The following ANKS1B variants were observed in gnomAD, a reference collection of about 807,000 sequenced individuals.
The protein encoded by ANKS1B is ankyrin repeat and sterile alpha motif domain containing 1B.
Under a neutral mutation model 148.3 loss-of-function variants are expected in ANKS1B, and 36 were observed. The observed-to-expected ratio is 0.24, with a 90% CI of 0.19 to 0.32. The LOEUF (loss-of-function observed/expected upper bound fraction) is 0.32. ANKS1B is among the 10% of genes least tolerant of loss of function. The probability of loss-of-function intolerance (pLI) is 1.00; values close to 1 mark genes in which losing one functional copy is unlikely to be tolerated. For missense variants in ANKS1B, 1,157 were observed against 1,542.6 expected, an observed-to-expected ratio of 0.75 and a Z score of 4.19; for synonymous variants, 542 against 560.8, an observed-to-expected ratio of 0.97 and a Z score of 0.47.
rs141205945 is a variant in ANKS1B at position 99,648,357 on chromosome 12, C to A, written c.1272+6710G>T. On this transcript the variant is annotated intron_variant, in intron 9 of 26. Coordinates refer to ENST00000683438, the MANE Select transcript of ANKS1B (RefSeq NM_001352186.2). ...TCAGCAAAAGAGGAGAAGTGATTGA[C>A]GTGCACAACCGTGCCCGAATGGTAA... 9.9e-6 allele frequency: 16 copies of A among 1,614,072 alleles called. No individual in the cohort carries two copies. Among genetic ancestry groups the A allele is most frequent in the African/African-American group, 1.3e-5 (1 of 74,924 alleles).
At chr12:99,223,029 T>C (rs559133106) in intron 14 of ANKS1B, among the ~76,000 whole-genome samples, 81 of 152,362 alleles carry the variant, frequency 5.3e-4, no homozygotes, top group Middle Eastern at 3.4e-3. Context: ...TGTAAGGTAT[T>C]GAAAGTAAAA....
intron 17 of ANKS1B, among the ~76,000 whole-genome samples, chr12:98,889,095 T>G (rs985166019): frequency 6.6e-6 from 1 of 152,218 alleles, no homozygotes; most frequent in Non-Finnish European, 1.5e-5. Flanking sequence ...TGCATGTTCT[T>G]TAAAATGAGT....
intron 12 of ANKS1B, among the ~76,000 whole-genome samples, chr12:99,382,852 T>A (rs527264738): frequency 2.6e-5 from 4 of 152,248 alleles, no homozygotes; most frequent in African/African-American, 7.2e-5. Context: ...CTTCCCATCA[T>A]GGAATCACTA....
intron 1 of ANKS1B, among the ~76,000 whole-genome samples, chr12:99,926,347 C>A (rs1484156666): frequency 6.6e-6 from 1 of 152,178 alleles, no homozygotes; most frequent in Non-Finnish European, 1.5e-5. Context: ...GTGTTTAAAT[C>A]GGTAGACTGA....
At chr12:98,951,173 G>A (rs1401588601) in intron 17 of ANKS1B, among the ~76,000 whole-genome samples, 1 of 152,188 alleles carries the variant, frequency 6.6e-6, no homozygotes, top group East Asian at 1.9e-4. Context: ...GACCCCTGGA[G>A]CTGGTTCACA....
intron 17 of ANKS1B, among the ~76,000 whole-genome samples, chr12:99,016,585 G>A (rs2099942670): frequency 6.6e-6 from 1 of 152,186 alleles, no homozygotes; most frequent in South Asian, 2.1e-4. Context: ...GAAGCCGGGA[G>A]GTGGAGGTTG....
chr12:98,911,577 G>T (rs758600794), intron 17 of ANKS1B, among the ~76,000 whole-genome samples: 1 of 152,186 alleles, frequency 6.6e-6, no homozygotes, highest in Non-Finnish European at 1.5e-5. Flanking sequence ...ACAGACCATA[G>T]CAGATGATTC....
intron 20 of ANKS1B, among the ~76,000 whole-genome samples, chr12:98,806,544 A>G (rs1456351827): frequency 6.6e-6 from 1 of 152,202 alleles, no homozygotes; most frequent in Non-Finnish European, 1.5e-5. Context: ...CCAAACATAC[A>G]TAAGATATAT....
chr12:99,958,309 C>T (rs1321910703), intron 1 of ANKS1B, among the ~76,000 whole-genome samples: 2 of 152,186 alleles, frequency 1.3e-5, no homozygotes, highest in African/African-American at 2.4e-5. Flanking sequence ...AGCCAAACCA[C>T]AAAAGGCCTC....
At chr12:99,814,076 A>G (rs937902882) in intron 2 of ANKS1B, among the ~76,000 whole-genome samples, 12 of 151,730 alleles carry the variant, frequency 7.9e-5, no homozygotes, top group African/African-American at 2.9e-4. Flanking sequence ...GTACAGTAAC[A>G]TACTGTGCAG....
chr12:98,748,243 G>T (rs759756898), intron 26 of ANKS1B, among the ~76,000 whole-genome samples: 7 of 152,174 alleles, frequency 4.6e-5, no homozygotes, highest in Non-Finnish European at 1.0e-4. Context: ...GGTCGTTGAG[G>T]GGTTGGGGTC....
intron 17 of ANKS1B, among the ~76,000 whole-genome samples, chr12:99,033,680 A>G (rs2099953719): frequency 6.6e-6 from 1 of 151,822 alleles, no homozygotes; most frequent in South Asian, 2.1e-4. Context: ...AAAAAAAGTA[A>G]CTTGTATCAT....
At chr12:99,361,608 G>T (rs7296093) in intron 12 of ANKS1B, among the ~76,000 whole-genome samples, 45,586 of 151,842 alleles carry the variant, frequency 0.3, 7,829 homozygotes, top group East Asian at 0.5. Context: ...TTCTAGCAGT[G>T]TTGTCAATAT....
At chr12:98,791,569 T>C (rs941785739) in intron 22 of ANKS1B, among the ~76,000 whole-genome samples, 2 of 151,988 alleles carry the variant, frequency 1.3e-5, no homozygotes, top group Non-Finnish European at 2.9e-5. Flanking sequence ...TTTTTAAAGA[T>C]GGGATCTGGC....
At chr12:99,427,394 G>C (rs902163796) in intron 11 of ANKS1B, among the ~76,000 whole-genome samples, 2 of 152,082 alleles carry the variant, frequency 1.3e-5, no homozygotes, top group African/African-American at 4.8e-5. Context: ...CTGGGTCTTT[G>C]TATTGCTATT....
chr12:99,911,262 G>C (rs2093996672), intron 1 of ANKS1B, among the ~76,000 whole-genome samples: 1 of 152,132 alleles, frequency 6.6e-6, no homozygotes, highest in Non-Finnish European at 1.5e-5. Context: ...TTGCAGACAG[G>C]CATCTAACAG....
At chr12:98,935,877 T>C (rs556146382) in intron 17 of ANKS1B, among the ~76,000 whole-genome samples, 1 of 152,340 alleles carries the variant, frequency 6.6e-6, no homozygotes, top group South Asian at 2.1e-4. Context: ...ATATGTATAC[T>C]AACAAACAAA....
At chr12:99,301,355 T>C (rs1289354654) in intron 12 of ANKS1B, among the ~76,000 whole-genome samples, 1 of 152,130 alleles carries the variant, frequency 6.6e-6, no homozygotes, top group Non-Finnish European at 1.5e-5. Flanking sequence ...AATTAACCAT[T>C]ACACCAGAGG....
intron 17 of ANKS1B, among the ~76,000 whole-genome samples, chr12:98,910,916 T>G (rs555167648): frequency 1.2e-3 from 190 of 152,174 alleles, no homozygotes; most frequent in Non-Finnish European, 2.2e-3. Context: ...ATCCTTAAAG[T>G]AGCCAAATCT....
Sources: allele counts gnomAD v4.1 joint callset (sites outside exome capture counted in the v4.1 genomes callset), GRCh38; gene constraint gnomAD v4.1.1; transcripts MANE v1.5; gene names NCBI Gene and HGNC (gene_info 2026-07-23, HGNC 2026-07-21).